GNA15: variants seen among roughly 807,000 people sequenced by gnomAD.
The protein encoded by GNA15 is G protein subunit alpha 15.
In GNA15, 23 loss-of-function variants were observed where a neutral mutation model predicts 40.1. The ratio of observed to expected loss-of-function variants is 0.57; its 90% CI spans 0.41 to 0.81. The LOEUF is 0.81. Among genes scored for constraint, GNA15 ranks in the 40% least tolerant of loss-of-function variants. The probability of loss-of-function intolerance (pLI) is 0.00; values close to 1 mark genes in which losing one functional copy is unlikely to be tolerated. For missense variants in GNA15, 522 were observed against 515.8 expected (o/e 1.01, Z -0.12); for synonymous variants, 226 against 210.4 (o/e 1.07, Z -0.64).
At chr19:3,161,334 G>A (rs1395725488) in intron 6 of GNA15, among the ~76,000 whole-genome samples, 1 of 152,186 alleles carries the variant, frequency 6.6e-6, no homozygotes, top group African/African-American at 2.4e-5. Flanking sequence ...AGGTGGACAT[G>A]AATTTTGGGG....
chr19:3,159,415 C>T (rs1915097083), intron 6 of GNA15, among the ~76,000 whole-genome samples: 1 of 147,372 alleles, frequency 6.8e-6, no homozygotes, highest in Non-Finnish European at 1.5e-5. Flanking sequence ...GGCACAATCT[C>T]GGCTCACCGC....
chr19:3,139,755 G>T (rs12972466), intron 1 of GNA15, among the ~76,000 whole-genome samples: 42,351 of 151,520 alleles, frequency 0.28, 6,091 homozygotes, highest in Non-Finnish European at 0.32. Context: ...AAAAATCAGG[G>T]CTGGGTGCGG....
rs1914847547 is a variant in GNA15 at position 3,150,272 on chromosome 19, G to A, written c.472G>A (p.Asp158Asn). The change falls in exon 3 of 7, where the codon GAT (aspartate) becomes AAT (asparagine). Residue 158 changes from aspartate to asparagine, a missense_variant. Coordinates refer to ENST00000262958, the MANE Select transcript of GNA15 (RefSeq NM_002068.4). ...GCGTCGGCGGGAATTCCACCTGCTC[G>A]ATTCAGCCGTGTAGTGAGTCTGGGG... Reference protein sequence around the residue: ...YERRREFHLLDSAVYYLSHLE... With the variant: ...YERRREFHLLNSAVYYLSHLE... The A allele has an allele frequency of 6.3e-7, 1 of 1,595,468 alleles. No homozygotes were observed. The highest frequency in any genetic ancestry group is 2.2e-5 in the East Asian group (1 of 44,616).
intron 1 of GNA15, among the ~76,000 whole-genome samples, chr19:3,145,361 T>TATATATATATATA (rs57906685): frequency 5.0e-4 from 14 of 28,194 alleles, no homozygotes; most frequent in African/African-American, 1.1e-3. Context: ...ATATATATAT[T>TATATATATATATA]TTTTTTTTTT....
intron 1 of GNA15, among the ~76,000 whole-genome samples, chr19:3,144,749 C>G (rs557819925): frequency 6.6e-6 from 1 of 150,964 alleles, no homozygotes; most frequent in Admixed American, 6.6e-5. Context: ...AGGATGGTCT[C>G]GATCTCCTGA....
rs775272227 is a variant in GNA15 at position 3,151,206 on chromosome 19, G to C, written c.486-501G>C. ...CTGTTTCTGAGGGGACCCTATTCTG[G>C]GGGGACCCTGTTCCTGGAGTGACCC... On this transcript the variant is annotated intron_variant, in intron 3 of 6. Coordinates refer to ENST00000262958, the MANE Select transcript of GNA15 (RefSeq NM_002068.4). This position sits in a 1 kb window ranked among gnomAD's most constrained non-coding sequence, Gnocchi z 5.0. Among the ~76,000 whole-genome samples the C allele has an allele frequency of 6.6e-6, 1 of 151,276 alleles. No individual in the cohort carries two copies. Among genetic ancestry groups the C allele is most frequent in the Non-Finnish European group, 1.5e-5 (1 of 67,718 alleles).
chr19:3,141,231 G>T (rs1294979708), intron 1 of GNA15, among the ~76,000 whole-genome samples: 1 of 151,896 alleles, frequency 6.6e-6, no homozygotes, highest in Non-Finnish European at 1.5e-5. Context: ...TAAGGCAGGA[G>T]GATTGCTTGA....
chr19:3,163,072 T>G lies in GNA15; in HGVS notation c.*53T>G, dbSNP rs928425940. The G allele has an allele frequency of 8.6e-7, 1 of 1,157,352 alleles. No individual in the cohort carries two copies. 71.7% of individuals were successfully genotyped at this position (1,157,352 alleles called of 1,614,324 possible). ...CCGGCGGGCGGGTGGGAGGTGGGAG[T>G]GGCTGCAGGGACCCCTAGTGTCCCT... is the stretch of plus-strand genomic sequence containing the variant. On this transcript the variant is annotated 3_prime_UTR_variant, in exon 7 of 7. Transcript: ENST00000262958.
chr19:3,162,099 G>T (rs59257645), intron 6 of GNA15, among the ~76,000 whole-genome samples: 11,353 of 151,858 alleles, frequency 0.075, 885 homozygotes, highest in Admixed American at 0.24. Flanking sequence ...CACATCTACC[G>T]CACTGGTGGA....
At position 3,136,297 on chromosome 19, in the gene GNA15, C is replaced by A; in HGVS notation, c.-154C>A. 1.4e-6 allele frequency: 1 copy of A among 715,146 alleles called. No homozygotes were observed. The highest frequency in any genetic ancestry group is 1.9e-5 in the South Asian group (1 of 52,190). The allele number at this position is 715,146 out of a possible 1,614,324, so 44.3% of individuals were successfully genotyped here. ...TCCTGGGTGTTTCAGGCAAGGAAGT[C>A]TAGGTCCCTGGGGGGTGACCCCCAA... On this transcript the variant is annotated 5_prime_UTR_variant, in exon 1 of 7. Transcript: ENST00000262958. The surrounding 1 kb of genome is among the most constrained non-coding windows in gnomAD (Gnocchi z 4.9).
chr19:3,145,359 A>ATATTTTTTTTTTT, intron 1 of GNA15, among the ~76,000 whole-genome samples: 11 of 46,966 alleles, frequency 2.3e-4, no homozygotes, highest in African/African-American at 9.2e-4. Flanking sequence ...ATATATATAT[A>ATATTTTTTTTTTT]TTTTTTTTTT....
intron 1 of GNA15, among the ~76,000 whole-genome samples, chr19:3,138,514 C>T (rs1023621668): frequency 1.3e-5 from 2 of 152,352 alleles, no homozygotes; most frequent in East Asian, 3.9e-4. Context: ...GTCCTTTCCT[C>T]GTTCAGTGGG....
chr19:3,147,054 C>T (rs779844750), intron 1 of GNA15, among the ~76,000 whole-genome samples: 6 of 152,186 alleles, frequency 3.9e-5, no homozygotes, highest in Non-Finnish European at 7.3e-5. Flanking sequence ...AGCCACCTTC[C>T]GGCCTTCACA....
At position 3,148,592 on chromosome 19, in the gene GNA15, C is replaced by G. The variant is rs1029159695; in HGVS notation, c.147C>G (p.Gly49=). The part of the protein sequence containing the change: ...DRGELKLLLL[G]PGESGKSTFI... ...GCGGTTCTGCTGCTCCATCCCCAGG[C>G]CCAGGCGAGAGCGGGAAGAGCACCT... Residue 49 remains glycine, a splice_region_variant and synonymous_variant, in exon 2 of 7, where the codon GGC becomes GGG. Transcript: ENST00000262958. 1 of 1,571,494 alleles carries G rather than the reference C, an allele frequency of 6.4e-7. No homozygotes were observed. The highest frequency in any genetic ancestry group is 1.8e-5 in the Admixed American group (1 of 54,504).
chr19:3,145,306 A>G lies in GNA15; in HGVS notation c.146-3285A>G, dbSNP rs373406632. On this transcript the variant is annotated intron_variant, in intron 1 of 6. Coordinates refer to ENST00000262958, the MANE Select transcript of GNA15 (RefSeq NM_002068.4). The stretch of plus-strand genomic sequence containing the variant: ...TACCTCAGCTTCATGAGTAGCTGTA[A>G]CTACCAGTGTGCACCACTACGTCTG... 2.1e-5 allele frequency among the ~76,000 whole-genome samples: 3 copies of G among 140,676 alleles called. No homozygotes were observed. The East Asian group carries it at 6.4e-4, about 30-fold the overall frequency. The allele number at this position is 140,676 out of a possible 152,430, so 92.3% of individuals were successfully genotyped here.
intron 1 of GNA15, among the ~76,000 whole-genome samples, chr19:3,139,761 T>C (rs543453): frequency 0.9 from 136,872 of 151,730 alleles, 61,807 homozygotes; most frequent in African/African-American, 0.92. Context: ...CAGGGCTGGG[T>C]GCGGTGGCTC....
intron 4 of GNA15, among the ~76,000 whole-genome samples, chr19:3,152,389 A>G (rs564214157): frequency 1.3e-5 from 2 of 152,270 alleles, no homozygotes; most frequent in African/African-American, 4.8e-5. Context: ...TTAGAACAGG[A>G]AGTCAAAAAT....
At chr19:3,162,152 T>C (rs993035189) in intron 6 of GNA15, among the ~76,000 whole-genome samples, 1 of 152,084 alleles carries the variant, frequency 6.6e-6, no homozygotes, top group African/African-American at 2.4e-5. Context: ...TAAAACCCTA[T>C]GCAGGGCTGG....
intron 1 of GNA15, among the ~76,000 whole-genome samples, chr19:3,148,013 T>A (rs1266404548): frequency 6.6e-6 from 1 of 152,150 alleles, no homozygotes. Context: ...GAGCATTTTA[T>A]AATCAATTCA....
Sources: gnomAD v4.1 joint callset for allele counts (sites outside exome capture counted in the v4.1 genomes callset) on GRCh38, gnomAD v4.1.1 for gene constraint, Gnocchi (gnomAD v3.1) non-coding constraint, MANE v1.5 for transcripts, NCBI Gene and HGNC (gene_info 2026-07-23, HGNC 2026-07-21) for gene names.